The following CFAP20DC variants were observed in gnomAD, a reference collection of about 807,000 sequenced individuals.
CFAP20DC encodes the protein CFAP20 domain containing, also known as protein CFAP20DC.
CFAP20DC carries 84 observed loss-of-function variants against 101.7 expected under a neutral mutation model. The observed-to-expected ratio is 0.83, with a 90% CI of 0.69 to 0.99. The LOEUF is 0.99. Among genes scored for constraint, CFAP20DC ranks in the 50% least tolerant of loss-of-function variants. The pLI is 0.00. For missense variants in CFAP20DC, 1,007 were observed against 970.3 expected (o/e 1.04, Z -0.50); for synonymous variants, 359 against 351.2 (o/e 1.02, Z -0.25).
chr3:58,962,601 T>C (rs2091230221), intron 4 of CFAP20DC, among the ~76,000 whole-genome samples: 1 of 152,186 alleles, frequency 6.6e-6, no homozygotes. Flanking sequence ...TCACCAACAA[T>C]TGGTCAGAGG....
intron 14 of CFAP20DC, among the ~76,000 whole-genome samples, chr3:58,828,691 T>C (rs948156695): frequency 2.6e-5 from 4 of 151,992 alleles, no homozygotes; most frequent in Non-Finnish European, 5.9e-5. Context: ...AAGTAACTAT[T>C]GGGTACTATG....
intron 15 of CFAP20DC, among the ~76,000 whole-genome samples, chr3:58,774,598 A>G (rs1381274483): frequency 6.6e-6 from 1 of 152,234 alleles, no homozygotes; most frequent in Non-Finnish European, 1.5e-5. Flanking sequence ...GTTTAGTGTC[A>G]TCCTAGTTGG....
chr3:58,935,039 A>G (rs1392379335), intron 5 of CFAP20DC, among the ~76,000 whole-genome samples: 4 of 152,186 alleles, frequency 2.6e-5, no homozygotes, highest in African/African-American at 9.7e-5. Flanking sequence ...GTCTCAGCCC[A>G]AAATCTCCTT....
intron 15 of CFAP20DC, among the ~76,000 whole-genome samples, chr3:58,765,717 C>T (rs987174630): frequency 2.0e-4 from 30 of 152,100 alleles, no homozygotes; most frequent in African/African-American, 6.5e-4. Context: ...GGGTCATTTT[C>T]ACTGGGGATC....
At chr3:58,783,297 T>C (rs982291642) in intron 15 of CFAP20DC, among the ~76,000 whole-genome samples, 1 of 151,854 alleles carries the variant, frequency 6.6e-6, no homozygotes, top group Non-Finnish European at 1.5e-5. Context: ...GATTCAAGAC[T>C]TAAATCTAAG....
At chr3:58,823,024 C>G (rs982636541) in intron 14 of CFAP20DC, among the ~76,000 whole-genome samples, 2 of 152,136 alleles carry the variant, frequency 1.3e-5, no homozygotes, top group Non-Finnish European at 2.9e-5. Flanking sequence ...TCCATTAGCT[C>G]ATATCTCCTT....
At position 58,870,053 on chromosome 3, in the gene CFAP20DC, G is replaced by GTGTCTGTC. The variant is rs10670247; in HGVS notation, c.852+112_852+119dup. 127 of 915,600 alleles carry GTGTCTGTC rather than the reference G, an allele frequency of 1.4e-4. No homozygotes were observed. In the African/African-American group the frequency reaches 2.0e-3, roughly 14 times the overall value. 56.7% of individuals were successfully genotyped at this position (915,600 alleles called of 1,614,324 possible). A position where few individuals can be genotyped will look rare whatever the true frequency, so the allele number is the denominator to read the frequency against. ...TCAAGCCTTCTGCTTTTGGCATGTA[G>GTGTCTGTC]TGTCTGTCTGTCTGTCTGTCTGTCT... On this transcript the variant is annotated intron_variant, in intron 8 of 16. Coordinates refer to ENST00000482387, the MANE Select transcript of CFAP20DC (RefSeq NM_001394063.1).
At chr3:58,854,984 A>G (rs1360994608) in intron 12 of CFAP20DC, among the ~76,000 whole-genome samples, 1 of 145,818 alleles carries the variant, frequency 6.9e-6, no homozygotes, top group Non-Finnish European at 1.5e-5. Context: ...AAATTGACAA[A>G]TGGGATCTAA....
intron 4 of CFAP20DC, among the ~76,000 whole-genome samples, chr3:58,983,189 A>C (rs1377424153): frequency 6.6e-6 from 1 of 152,218 alleles, no homozygotes; most frequent in African/African-American, 2.4e-5. Context: ...CAGTGATATT[A>C]AATTGTTTAA....
chr3:58,978,865 C>A (rs1373954891), intron 4 of CFAP20DC, among the ~76,000 whole-genome samples: 1 of 152,102 alleles, frequency 6.6e-6, no homozygotes, highest in Non-Finnish European at 1.5e-5. Flanking sequence ...GAGAAGCACT[C>A]CTCTGGCTTT....
intron 3 of CFAP20DC, among the ~76,000 whole-genome samples, chr3:59,041,039 G>A (rs555382119): frequency 6.6e-6 from 1 of 152,036 alleles, no homozygotes; most frequent in Non-Finnish European, 1.5e-5. Flanking sequence ...AGCAAAGTGA[G>A]ATACCAAAAT....
intron 14 of CFAP20DC, among the ~76,000 whole-genome samples, chr3:58,829,887 T>C (rs1403723338): frequency 8.5e-5 from 13 of 152,158 alleles, no homozygotes; most frequent in Admixed American, 8.5e-4. Flanking sequence ...CAGAATCAGC[T>C]CGATCAGGAG....
chr3:58,847,408 A>G (rs1403017504), intron 13 of CFAP20DC, among the ~76,000 whole-genome samples: 16 of 150,320 alleles, frequency 1.1e-4, no homozygotes, highest in African/African-American at 3.0e-4. Context: ...AAAAAAACAC[A>G]TGAAAAAATG....
At chr3:58,794,109 G>T in intron 15 of CFAP20DC, 1 of 247,510 alleles carries the variant, frequency 4.0e-6, no homozygotes, top group South Asian at 4.5e-5. Context: ...TACTGAGCCA[G>T]TGTCCACACA....
At chr3:59,008,468 C>T (rs1004044111) in intron 4 of CFAP20DC, among the ~76,000 whole-genome samples, 2 of 152,152 alleles carry the variant, frequency 1.3e-5, no homozygotes, top group Admixed American at 6.5e-5. Context: ...GACTTGAAGC[C>T]TGAACGATAG....
At chr3:58,756,224 C>G (rs927693509) in intron 15 of CFAP20DC, among the ~76,000 whole-genome samples, 10 of 152,148 alleles carry the variant, frequency 6.6e-5, no homozygotes, top group Non-Finnish European at 1.0e-4. Flanking sequence ...TTTGTAACCC[C>G]CCTCTGACAG....
chr3:58,876,569 G>A (rs534560879), intron 7 of CFAP20DC, among the ~76,000 whole-genome samples: 1 of 152,202 alleles, frequency 6.6e-6, no homozygotes, highest in East Asian at 1.9e-4. Context: ...GGTCAGAGAT[G>A]TTACCACTAA....
intron 4 of CFAP20DC, among the ~76,000 whole-genome samples, chr3:58,972,429 G>T (rs976463623): frequency 1.3e-5 from 2 of 152,156 alleles, no homozygotes; most frequent in African/African-American, 4.8e-5. Flanking sequence ...ATGATCATTT[G>T]TAGAGGACCT....
intron 11 of CFAP20DC, among the ~76,000 whole-genome samples, chr3:58,866,287 G>A (rs1217987887): frequency 3.3e-5 from 5 of 152,174 alleles, no homozygotes; most frequent in Non-Finnish European, 7.3e-5. Context: ...CCAACAACTG[G>A]TCATCTTTGG....
Sources: gnomAD v4.1 joint callset for allele counts (sites outside exome capture counted in the v4.1 genomes callset) on GRCh38, gnomAD v4.1.1 for gene constraint, MANE v1.5 for transcripts, NCBI Gene and HGNC (gene_info 2026-07-23, HGNC 2026-07-21) for gene names.